Variants in NSMAF observed in about 807,000 individuals in gnomAD.
NSMAF encodes neutral sphingomyelinase activation associated factor.
Under a neutral mutation model 134.9 loss-of-function variants are expected in NSMAF, and 90 were observed. The ratio of observed to expected loss-of-function variants is 0.67; its 90% CI spans 0.56 to 0.79. The LOEUF is 0.79. Among genes scored for constraint, NSMAF ranks in the 30% least tolerant of loss-of-function variants. The probability of loss-of-function intolerance (pLI) is 0.00; values close to 1 mark genes in which losing one functional copy is unlikely to be tolerated. For synonymous variants in NSMAF, 358 were observed against 389.6 expected (o/e 0.92, Z 0.96); for missense variants, 1,010 against 1,119.0 (o/e 0.90, Z 1.39).
chr8:58,623,878 T>C (rs913238438), intron 6 of NSMAF, 98 bp from the exon 7 acceptor site: 1 of 937,294 alleles, frequency 1.1e-6, no homozygotes, highest in African/African-American at 1.7e-5. Flanking sequence ...TATGATAAAA[T>C]CTGCATGTTT....
At chr8:58,619,744 G>A (rs910292348) in intron 9 of NSMAF, among the ~76,000 whole-genome samples, 3 of 152,088 alleles carry the variant, frequency 2.0e-5, no homozygotes, top group Non-Finnish European at 2.9e-5. Context: ...AGACCTTTAT[G>A]AAGAAAATCA....
At chr8:58,625,328 G>GTA (rs1321726355) in intron 6 of NSMAF, among the ~76,000 whole-genome samples, 3 of 151,500 alleles carry the variant, frequency 2.0e-5, no homozygotes, top group Non-Finnish European at 4.4e-5. Flanking sequence ...TTCTCTCTCT[G>GTA]TATATATACA....
chr8:58,590,575 C>T (rs548819061), intron 24 of NSMAF, among the ~76,000 whole-genome samples: 7 of 152,274 alleles, frequency 4.6e-5, no homozygotes, highest in Non-Finnish European at 8.8e-5. Flanking sequence ...TTAAGTAGCA[C>T]ATAACATTTA....
intron 13 of NSMAF, among the ~76,000 whole-genome samples, chr8:58,602,908 A>T (rs940282025): frequency 2.0e-5 from 3 of 152,190 alleles, no homozygotes; most frequent in Non-Finnish European, 4.4e-5. Context: ...GTGAGAAGCA[A>T]ATATTTCAAA....
intron 5 of NSMAF, among the ~76,000 whole-genome samples, chr8:58,634,974 A>C (rs544461221): frequency 8.5e-5 from 13 of 152,300 alleles, no homozygotes; most frequent in African/African-American, 2.9e-4. Flanking sequence ...CCAAGGACAA[A>C]ACCGCAAGCC....
intron 16 of NSMAF, among the ~76,000 whole-genome samples, chr8:58,600,493 T>C (rs1005249407): frequency 6.6e-6 from 1 of 151,768 alleles, no homozygotes; most frequent in African/African-American, 2.4e-5. Flanking sequence ...CGTGGTGGCA[T>C]GCGCCTGTAG....
Position 58,601,287 on chromosome 8 carries a change from G to A in NSMAF, c.1278C>T (p.Asn426=). 1 of 1,612,434 alleles carries A rather than the reference G, an allele frequency of 6.2e-7. No homozygotes were observed. The highest frequency in any genetic ancestry group is 8.5e-7 in the Non-Finnish European group (1 of 1,178,532). ...GRFDNADRMF[N]SIAETWKNCL... ...TAAGCAAGGCATTTGTATCAAACCT[G>A]TTGAACATTCTATCTGCATTATCAA... The change falls in exon 16 of 31, where the codon AAC becomes AAT. Residue 426 remains asparagine (N), a splice_region_variant and synonymous_variant. Coordinates refer to ENST00000038176, the MANE Select transcript of NSMAF (RefSeq NM_003580.4).
chr8:58,659,688 G>A lies in NSMAF; in HGVS notation c.-57C>T. 1.5e-6 allele frequency: 2 copies of A among 1,315,900 alleles called. No homozygotes were observed. Among genetic ancestry groups the A allele is most frequent in the Non-Finnish European group, 2.0e-6 (2 of 1,019,910 alleles). The allele number at this position is 1,315,900 out of a possible 1,614,324, so 81.5% of individuals were successfully genotyped here. A position where few individuals can be genotyped will look rare whatever the true frequency, so the allele number is the denominator to read the frequency against. The stretch of plus-strand genomic sequence containing the variant: ...CAGGCAGGCCCCGCCGCCGCCTGCC[G>A]AGGAGGTCCGGAGGAGCCGGGGAGG... On this transcript the variant is annotated 5_prime_UTR_variant, in exon 1 of 31. Coordinates refer to ENST00000038176, the MANE Select transcript of NSMAF (RefSeq NM_003580.4).
At chr8:58,659,291 T>A in intron 1 of NSMAF, 1 of 1,523,566 alleles carries the variant, frequency 6.6e-7, no homozygotes, top group Non-Finnish European at 8.8e-7. Flanking sequence ...GGACCTGCAC[T>A]GCCGGATAGC....
At chr8:58,618,339 G>C (rs1203988841) in intron 9 of NSMAF, among the ~76,000 whole-genome samples, 3 of 151,862 alleles carry the variant, frequency 2.0e-5, no homozygotes, top group Non-Finnish European at 2.9e-5. Flanking sequence ...AATTTAATAT[G>C]AAGCTATAAG....
chr8:58,647,038 TA>T (rs1267109562), intron 1 of NSMAF, among the ~76,000 whole-genome samples: 1 of 152,234 alleles, frequency 6.6e-6, no homozygotes, highest in Non-Finnish European at 1.5e-5. Context: ...ACTCAACAAT[TA>T]TTCAACACTC....
chr8:58,625,394 A>ATATGTATGTATG (rs1554576320), intron 6 of NSMAF, among the ~76,000 whole-genome samples: 2 of 151,534 alleles, frequency 1.3e-5, no homozygotes, highest in African/African-American at 4.9e-5. Flanking sequence ...ATGTATATGC[A>ATATGTATGTATG]TATGTATGTA....
In NSMAF at chr8:58,599,290, C is replaced by T; in HGVS notation, c.1527G>A (p.Trp509Ter). The change falls in exon 19 of 31, where the codon TGG becomes TGA. Residue 509 changes from tryptophan to a stop codon, truncating the protein, a stop_gained. Transcript: ENST00000038176. LOFTEE classifies it high-confidence loss of function. ...GTTTGTAGCCAAATATTAGATCAAT[C>T]CACTCGTGAAGGTGTTCAGACACAT... ...SNYVSEHLHE[W>*]IDLIFGYKQK... 6.2e-7 allele frequency: 1 copy of T among 1,614,000 alleles called. No individual in the cohort carries two copies. Among genetic ancestry groups the T allele is most frequent in the Non-Finnish European group, 8.5e-7 (1 of 1,179,886 alleles).
chr8:58,599,377 C>T lies in NSMAF; in HGVS notation c.1454-14G>A. ...AGTCCTCGGGACCTATTAGATTAGA[C>T]TCAATCGAAAAATCATGGAGTCTTC... On this transcript the variant is annotated splice_polypyrimidine_tract_variant and intron_variant, in intron 18 of 30. Transcript: ENST00000038176. 1 of 1,611,022 alleles carries T rather than the reference C, an allele frequency of 6.2e-7. No individual in the cohort carries two copies. Among genetic ancestry groups the T allele is most frequent in the Non-Finnish European group, 8.5e-7 (1 of 1,179,096 alleles).
chr8:58,607,601 T>A (rs1025567459), intron 11 of NSMAF, among the ~76,000 whole-genome samples, 168 bp downstream of exon 11: 2 of 152,242 alleles, frequency 1.3e-5, no homozygotes, highest in Non-Finnish European at 2.9e-5. Context: ...TATTCCTTTA[T>A]GAATTTCTAC....
Position 58,659,672 on chromosome 8 carries a change from C to G in NSMAF, c.-41G>C. On this transcript the variant is annotated 5_prime_UTR_variant, in exon 1 of 31. Transcript: ENST00000038176. ...GCGGGCGCAGAGCGCACAGGCAGGC[C>G]CCGCCGCCGCCTGCCGAGGAGGTCC... The G allele has an allele frequency of 7.4e-7, 1 of 1,351,762 alleles. No homozygotes were observed. Among genetic ancestry groups the G allele is most frequent in the Non-Finnish European group, 9.5e-7 (1 of 1,047,904 alleles). The allele number at this position is 1,351,762 out of a possible 1,614,324, so 83.7% of individuals were successfully genotyped here.
At chr8:58,610,022 T>G (rs1485945240) in intron 9 of NSMAF, among the ~76,000 whole-genome samples, 2 of 152,112 alleles carry the variant, frequency 1.3e-5, no homozygotes, top group Non-Finnish European at 2.9e-5. Context: ...CCCCCCAAAA[T>G]AAATAGGCCT....
At chr8:58,635,120 T>C in intron 5 of NSMAF, 69 bp downstream of exon 5, 1 of 1,151,078 alleles carries the variant, frequency 8.7e-7, no homozygotes, top group Non-Finnish European at 1.3e-6. Context: ...TCTCTACAAG[T>C]AATTTCATTC....
intron 5 of NSMAF, among the ~76,000 whole-genome samples, chr8:58,633,568 A>C (rs1387165801): frequency 6.6e-6 from 1 of 152,220 alleles, no homozygotes; most frequent in African/African-American, 2.4e-5. Context: ...ACTGAAAAGT[A>C]AAGTCCATGG....
Sources: gnomAD v4.1 joint callset for allele counts (sites outside exome capture counted in the v4.1 genomes callset) on GRCh38, gnomAD v4.1.1 for gene constraint, MANE v1.5 for transcripts, NCBI Gene and HGNC (gene_info 2026-07-23, HGNC 2026-07-21) for gene names.